Variants in CDC40 observed in about 807,000 individuals in gnomAD.
CDC40 encodes the protein pre-mRNA-processing factor 17.
Under a neutral mutation model 80.6 loss-of-function variants are expected in CDC40, and 27 were observed. The ratio of observed to expected loss-of-function variants is 0.33; its 90% CI spans 0.25 to 0.46. The LOEUF is 0.46. CDC40 is among the 20% of genes least tolerant of loss of function. The pLI, the probability that CDC40 is intolerant of heterozygous loss-of-function variation, is 1.00. For synonymous variants in CDC40, 221 were observed against 232.6 expected (o/e 0.95, Z 0.45); for missense variants, 486 against 694.1 (o/e 0.70, Z 3.37).
At chr6:110,214,809 C>T (rs1360332820) in intron 8 of CDC40, among the ~76,000 whole-genome samples, 3 of 152,164 alleles carry the variant, frequency 2.0e-5, no homozygotes, top group Admixed American at 6.5e-5. Context: ...TCATCATTTT[C>T]TTACAGCTTC....
At chr6:110,205,624 G>T (rs1777551840) in intron 3 of CDC40, among the ~76,000 whole-genome samples, 1 of 152,134 alleles carries the variant, frequency 6.6e-6, no homozygotes, top group South Asian at 2.1e-4. Flanking sequence ...TTGGGGAATG[G>T]TGCTTACACA....
intron 4 of CDC40, 79 bp from the exon 5 acceptor site, chr6:110,209,005 A>G (rs900688056): frequency 7.9e-5 from 69 of 876,792 alleles, no homozygotes; most frequent in Non-Finnish European, 1.1e-4. Flanking sequence ...AAAATTAAAC[A>G]TATGTTCATA....
chr6:110,221,651 T>C (rs2114671065), intron 12 of CDC40, among the ~76,000 whole-genome samples: 1 of 152,342 alleles, frequency 6.6e-6, no homozygotes, highest in East Asian at 1.9e-4. Context: ...TTTTGTTTTA[T>C]ATACTTTAAC....
intron 13 of CDC40, among the ~76,000 whole-genome samples, chr6:110,227,021 T>C (rs1188758078): frequency 1.3e-5 from 2 of 151,694 alleles, no homozygotes; most frequent in Admixed American, 1.3e-4. Context: ...AAAAAAAAAA[T>C]AGTAATAGTG....
At chr6:110,209,925 TAGAG>T (rs1458364996) in intron 5 of CDC40, among the ~76,000 whole-genome samples, 2 of 152,186 alleles carry the variant, frequency 1.3e-5, no homozygotes, top group African/African-American at 4.8e-5. Flanking sequence ...TTATTATAGA[TAGAG>T]ATTTACTACT....
intron 2 of CDC40, among the ~76,000 whole-genome samples, chr6:110,198,725 C>T (rs1380517441): frequency 2.6e-5 from 4 of 152,110 alleles, no homozygotes; most frequent in Non-Finnish European, 5.9e-5. Context: ...TTGTTAAATA[C>T]GCATATGAAC....
chr6:110,227,330 C>G (rs1777877947), intron 13 of CDC40, among the ~76,000 whole-genome samples: 1 of 152,028 alleles, frequency 6.6e-6, no homozygotes. Context: ...AAGTGTAGGG[C>G]AAGGAAGAAT....
rs2114676656 is a variant in CDC40 at position 110,230,171 on chromosome 6, C to T, written c.*40C>T. ...AAACTAGCTGGGATCATTTTTGATCCATTGTCATATTTATATTTAATTATT... is the reference window on the plus strand; with the variant it reads ...AAACTAGCTGGGATCATTTTTGATCTATTGTCATATTTATATTTAATTATT... On this transcript the variant is annotated 3_prime_UTR_variant, in exon 15 of 15. Transcript: ENST00000307731. 2 of 1,242,344 alleles carry T rather than the reference C, an allele frequency of 1.6e-6. No homozygotes were observed. Among genetic ancestry groups the T allele is most frequent in the Admixed American group, 1.9e-5 (1 of 52,904 alleles). 77.0% of individuals were successfully genotyped at this position (1,242,344 alleles called of 1,614,324 possible). A position where few individuals can be genotyped will look rare whatever the true frequency, so the allele number is the denominator to read the frequency against.
At chr6:110,197,817 T>C (rs1177018633) in intron 2 of CDC40, among the ~76,000 whole-genome samples, 1 of 152,194 alleles carries the variant, frequency 6.6e-6, no homozygotes, top group Non-Finnish European at 1.5e-5. Context: ...CACATTTTCT[T>C]TATGCATTCA....
chr6:110,194,517 G>A (rs1055408701), intron 2 of CDC40, among the ~76,000 whole-genome samples: 8 of 152,096 alleles, frequency 5.3e-5, no homozygotes, highest in African/African-American at 1.9e-4. Flanking sequence ...GAGCTCCAGC[G>A]ATTCACTGAG....
chr6:110,226,038 TGAAA>T, intron 12 of CDC40, 125 bp from the exon 13 acceptor site: 1 of 605,364 alleles, frequency 1.7e-6, no homozygotes, highest in Non-Finnish European at 2.9e-6. Context: ...GAAAGTTTCA[TGAAA>T]GATTTATTAA....
intron 2 of CDC40, among the ~76,000 whole-genome samples, chr6:110,200,067 G>C (rs1777475886): frequency 6.6e-6 from 1 of 152,014 alleles, no homozygotes; most frequent in Non-Finnish European, 1.5e-5. Flanking sequence ...GGCACAGGAA[G>C]GACTAATATG....
chr6:110,201,533 TA>T lies in CDC40; in HGVS notation c.277-24del, dbSNP rs142985180. On this transcript the variant is annotated intron_variant, in intron 2 of 14. Transcript: ENST00000307731. ...CTTTTGTGTCTTTCTTATTTTATTT[TA>T]TTTTTTTTCTTGTAACATTGCAGTT... 6,382 of 1,547,118 alleles carry T rather than the reference TA, an allele frequency of 4.1e-3. 108 individuals carry two copies. In the East Asian group the frequency reaches 0.092, roughly 22 times the overall value.
chr6:110,188,758 T>G (rs1777306942), intron 1 of CDC40, among the ~76,000 whole-genome samples: 2 of 152,210 alleles, frequency 1.3e-5, no homozygotes, highest in Non-Finnish European at 2.9e-5. Context: ...TTTTCTAGTT[T>G]CTCAGGCCAG....
At chr6:110,213,000 C>CT in intron 7 of CDC40, 86 bp from the exon 8 acceptor site, 1 of 938,478 alleles carries the variant, frequency 1.1e-6, no homozygotes, top group Non-Finnish European at 1.8e-6. Context: ...AATTAGGCTG[C>CT]TTAATATATA....
Position 110,218,235 on chromosome 6 carries a change from A to G in CDC40, c.1090+432A>G, listed in dbSNP as rs191186690. ...GTTTTATATATTCACAGCCATACTAATTGCTGTTTATTAATTGATTCACAT... is the reference window on the plus strand; with the variant it reads ...GTTTTATATATTCACAGCCATACTAGTTGCTGTTTATTAATTGATTCACAT... On this transcript the variant is annotated intron_variant, in intron 10 of 14. Coordinates refer to ENST00000307731, the MANE Select transcript of CDC40 (RefSeq NM_015891.3). 9.8e-5 allele frequency among the ~76,000 whole-genome samples: 15 copies of G among 152,332 alleles called. No homozygotes were observed. The East Asian group carries it at 2.5e-3, about 25-fold the overall frequency.
Position 110,221,882 on chromosome 6 carries a change from T to C in CDC40, c.1340+2013T>C, listed in dbSNP as rs1016828988. Among the ~76,000 whole-genome samples, 14 of 147,526 alleles carry C rather than the reference T, an allele frequency of 9.5e-5. 1 individual carries two copies. Among genetic ancestry groups the C allele is most frequent in the Admixed American group, 8.6e-4 (13 of 15,048 alleles). Reference sequence around the variant, plus strand: ...GTATGTTTCTTTTTTTTTTTTTTTTTCATTTCCTCTCAGATCTTAGGAAAT... The same window carrying C: ...GTATGTTTCTTTTTTTTTTTTTTTTCCATTTCCTCTCAGATCTTAGGAAAT... On this transcript the variant is annotated intron_variant, in intron 12 of 14. Coordinates refer to ENST00000307731, the MANE Select transcript of CDC40 (RefSeq NM_015891.3).
rs2114676757 is a variant in CDC40, at chr6:110,230,318, G to A, written c.*187G>A. 9.8e-6 allele frequency: 5 copies of A among 512,152 alleles called. No individual in the cohort carries two copies. The highest frequency in any genetic ancestry group is 5.4e-5 in the South Asian group (2 of 37,052). 31.7% of individuals were successfully genotyped at this position (512,152 alleles called of 1,614,324 possible). On this transcript the variant is annotated 3_prime_UTR_variant, in exon 15 of 15. Coordinates refer to ENST00000307731, the MANE Select transcript of CDC40 (RefSeq NM_015891.3). ...CAACTTCATTTTGTTTTTTATAAAT[G>A]TTATTTATACAGAAAGTGGCTATTG...
chr6:110,232,227 T>A lies in CDC40; in HGVS notation c.*2096T>A, dbSNP rs2114677985. 6.6e-6 allele frequency: 1 copy of A among 152,618 alleles called. No homozygotes were observed. Among genetic ancestry groups the A allele is most frequent in the East Asian group, 1.9e-4 (1 of 5,194 alleles). 9.5% of individuals were successfully genotyped at this position (152,618 alleles called of 1,614,324 possible). A position where few individuals can be genotyped will look rare whatever the true frequency, so the allele number is the denominator to read the frequency against. On this transcript the variant is annotated 3_prime_UTR_variant, in exon 15 of 15. Coordinates refer to ENST00000307731, the MANE Select transcript of CDC40 (RefSeq NM_015891.3). ...AAAGCATTTTTTGTAGAAAGTGCTATCAAAATGTTCATCTTGTTCATCTTT... is the reference window on the plus strand; with the variant it reads ...AAAGCATTTTTTGTAGAAAGTGCTAACAAAATGTTCATCTTGTTCATCTTT...
Sources: allele counts gnomAD v4.1 joint callset (sites outside exome capture counted in the v4.1 genomes callset), GRCh38; gene constraint gnomAD v4.1.1; transcripts MANE v1.5; gene names NCBI Gene and HGNC (gene_info 2026-07-23, HGNC 2026-07-21).